The following OXR1 variants were observed in gnomAD, a reference collection of about 807,000 sequenced individuals.
The protein encoded by OXR1 is oxidation resistance protein 1.
Under a neutral mutation model 104.6 loss-of-function variants are expected in OXR1, and 41 were observed. That is an observed-to-expected ratio of 0.39 (90% CI 0.31 to 0.51). The LOEUF is 0.51. Among genes scored for constraint, OXR1 ranks in the 20% least tolerant of loss-of-function variants. The pLI is 0.77. For missense variants in OXR1, 955 were observed against 1,031.9 expected (o/e 0.93, Z 1.02); for synonymous variants, 348 against 348.4 (o/e 1.00, Z 0.01).
At chr8:106,520,144 T>C (rs1813155619) in intron 3 of OXR1, among the ~76,000 whole-genome samples, 1 of 152,232 alleles carries the variant, frequency 6.6e-6, no homozygotes, top group African/African-American at 2.4e-5. Context: ...GCCTGTTTTC[T>C]TTAAAATTTA....
intron 2 of OXR1, among the ~76,000 whole-genome samples, chr8:106,493,404 A>G (rs761495877): frequency 1.3e-5 from 2 of 151,948 alleles, no homozygotes; most frequent in Admixed American, 6.6e-5. Context: ...CTTTGTTACC[A>G]CCATAGCCAA....
At chr8:106,749,668 G>A (rs193060275) in intron 16 of OXR1, among the ~76,000 whole-genome samples, 9 of 152,008 alleles carry the variant, frequency 5.9e-5, no homozygotes, top group South Asian at 2.1e-4. Context: ...AAAAGCCTCC[G>A]CCTCCTAAAC....
At chr8:106,689,703 CAT>C (rs1247832153) in intron 6 of OXR1, among the ~76,000 whole-genome samples, 4 of 151,822 alleles carry the variant, frequency 2.6e-5, no homozygotes, top group Non-Finnish European at 4.4e-5. Context: ...GTTAATTTCT[CAT>C]AGGGTTTTGG....
intron 3 of OXR1, among the ~76,000 whole-genome samples, chr8:106,630,574 T>C (rs368447468): frequency 7.2e-5 from 11 of 152,348 alleles, no homozygotes; most frequent in African/African-American, 2.6e-4. Context: ...AGAACTCATA[T>C]GCACGTGCAA....
intron 16 of OXR1, among the ~76,000 whole-genome samples, chr8:106,749,950 T>C (rs1490784318): frequency 6.6e-6 from 1 of 152,016 alleles, no homozygotes; most frequent in Non-Finnish European, 1.5e-5. Flanking sequence ...TCTGCTTGAA[T>C]CTCAACATCA....
chr8:106,341,283 T>A (rs188608855), intron 1 of OXR1, among the ~76,000 whole-genome samples: 16 of 152,046 alleles, frequency 1.1e-4, no homozygotes, highest in Admixed American at 9.8e-4. Context: ...AAATTCAGGT[T>A]AATGAGACTT....
chr8:106,569,246 C>T lies in OXR1; in HGVS notation c.220+50107C>T, dbSNP rs1188807062. Among the ~76,000 whole-genome samples, 8 of 152,056 alleles carry T rather than the reference C, an allele frequency of 5.3e-5. No homozygotes were observed. In the East Asian group the frequency reaches 1.4e-3, roughly 26 times the overall value. The stretch of plus-strand genomic sequence containing the variant: ...AACACCCATGCAAACAAACCTATGC[C>T]CCCCTTCTTCTTTCTTCTCAATGAT... On this transcript the variant is annotated intron_variant, in intron 3 of 16. Coordinates refer to ENST00000517566, the MANE Select transcript of OXR1 (RefSeq NM_001198533.2).
At chr8:106,394,087 C>T (rs1209682997) in intron 2 of OXR1, among the ~76,000 whole-genome samples, 1 of 151,940 alleles carries the variant, frequency 6.6e-6, no homozygotes, top group East Asian at 1.9e-4. Flanking sequence ...TACAGATATA[C>T]TATCCACTCA....
intron 1 of OXR1, among the ~76,000 whole-genome samples, chr8:106,281,250 A>G (rs901073041): frequency 2.6e-5 from 4 of 152,202 alleles, no homozygotes; most frequent in Non-Finnish European, 5.9e-5. Context: ...GGTTGGACTC[A>G]GAGAACTCAA....
At chr8:106,468,019 T>A (rs1216706086) in intron 2 of OXR1, among the ~76,000 whole-genome samples, 1 of 151,826 alleles carries the variant, frequency 6.6e-6, no homozygotes, top group Non-Finnish European at 1.5e-5. Context: ...GATGGATGGA[T>A]AAATTTTTGA....
chr8:106,279,112 A>C (rs1812177879), intron 1 of OXR1, among the ~76,000 whole-genome samples: 1 of 152,152 alleles, frequency 6.6e-6, no homozygotes, highest in South Asian at 2.1e-4. Flanking sequence ...CACACGACTA[A>C]AGTATCATTG....
At chr8:106,535,059 T>C (rs1446892776) in intron 3 of OXR1, among the ~76,000 whole-genome samples, 1 of 151,866 alleles carries the variant, frequency 6.6e-6, no homozygotes, top group Admixed American at 6.6e-5. Flanking sequence ...GCCTCCCGGG[T>C]TCACACCATT....
intron 3 of OXR1, among the ~76,000 whole-genome samples, chr8:106,594,019 C>T (rs1398793707): frequency 6.6e-6 from 1 of 152,172 alleles, no homozygotes; most frequent in East Asian, 1.9e-4. Context: ...CAAACTGGAA[C>T]AGGCCGTTAT....
chr8:106,651,950 T>A (rs567563402), intron 3 of OXR1, among the ~76,000 whole-genome samples: 1 of 152,296 alleles, frequency 6.6e-6, no homozygotes, highest in African/African-American at 2.4e-5. Context: ...TGTTTTGTAT[T>A]TTTCAGTAAA....
At position 106,435,243 on chromosome 8, in the gene OXR1, C is replaced by CA. The variant is rs1819521759; in HGVS notation, c.23+75608dup. Among the ~76,000 whole-genome samples, 3 of 152,270 alleles carry CA rather than the reference C, an allele frequency of 2.0e-5. No individual in the cohort carries two copies. In the South Asian group the frequency reaches 6.2e-4, roughly 32 times the overall value. On this transcript the variant is annotated intron_variant, in intron 2 of 16. Coordinates refer to ENST00000517566, the MANE Select transcript of OXR1 (RefSeq NM_001198533.2). ...GGAATGGTTGGTGAGGTTGGCATGACAGGAAGGGGGCCGTGGAGACTTGAT... is the reference window on the plus strand; with the variant it reads ...GGAATGGTTGGTGAGGTTGGCATGACAAGGAAGGGGGCCGTGGAGACTTGAT...
At chr8:106,497,793 TGTGTGTGTGTGTGCACACGC>T (rs1017276544) in intron 2 of OXR1, among the ~76,000 whole-genome samples, 10 of 146,018 alleles carry the variant, frequency 6.8e-5, no homozygotes, top group East Asian at 3.9e-4. Context: ...ACCATATGTG[TGTGTGTGTGTGTGCACACGC>T]GTGTGTGTGT....
intron 11 of OXR1, among the ~76,000 whole-genome samples, chr8:106,724,337 G>A (rs886879836): frequency 2.6e-5 from 4 of 151,950 alleles, no homozygotes; most frequent in African/African-American, 7.3e-5. Context: ...TCAAATTCTT[G>A]GATATCTAGG....
At chr8:106,309,632 A>T (rs893189025) in intron 1 of OXR1, among the ~76,000 whole-genome samples, 3 of 151,802 alleles carry the variant, frequency 2.0e-5, no homozygotes, top group African/African-American at 4.8e-5. Flanking sequence ...AGAGCAGTAA[A>T]TTATTTTTTC....
At chr8:106,356,580 A>G (rs1371569652) in intron 1 of OXR1, among the ~76,000 whole-genome samples, 1 of 151,952 alleles carries the variant, frequency 6.6e-6, no homozygotes, top group African/African-American at 2.4e-5. Context: ...ACAATTCTCC[A>G]CTTATGGTTT....
Sources: allele counts gnomAD v4.1 joint callset (sites outside exome capture counted in the v4.1 genomes callset), GRCh38; gene constraint gnomAD v4.1.1; transcripts MANE v1.5; gene names NCBI Gene and HGNC (gene_info 2026-07-23, HGNC 2026-07-21).